Variants in PRKN observed in about 807,000 individuals in gnomAD.
PRKN encodes parkin RBR E3 ubiquitin protein ligase, also known as E3 ubiquitin-protein ligase parkin.
PRKN carries 56 observed loss-of-function variants against 59.5 expected under a neutral mutation model. That is an observed-to-expected ratio of 0.94 (90% CI 0.76 to 1.18). The LOEUF is 1.18. PRKN is among the 50% of genes most tolerant of loss of function. PRKN has a pLI of 0.00. For synonymous variants in PRKN, 250 were observed against 222.1 expected (o/e 1.13, Z -1.12); for missense variants, 657 against 596.4 (o/e 1.10, Z -1.06).
At chr6:161,555,153 TG>T (rs1780187661) in intron 8 of PRKN, among the ~76,000 whole-genome samples, 1 of 152,174 alleles carries the variant, frequency 6.6e-6, no homozygotes, top group African/African-American at 2.4e-5. Context: ...TTTTCTTATT[TG>T]TGTTTTTTAG....
chr6:162,525,142 A>AAC (rs1160583519), intron 1 of PRKN, among the ~76,000 whole-genome samples: 3 of 152,126 alleles, frequency 2.0e-5, no homozygotes, highest in Admixed American at 6.5e-5. Flanking sequence ...AGCGCCAGTT[A>AAC]GTCCTGCTTA....
In PRKN at chr6:162,498,433, CTTTTTCTTTTT is replaced by C. The variant is rs1562332753; in HGVS notation, c.8-54971_8-54961del. ...TTTTTTTTGAGATGGAGTTTCTTTC[CTTTTTCTTTTT>C]TTTTTTTTTTTTTTTTTTGAGATGG... On this transcript the variant is annotated intron_variant, in intron 1 of 11. Transcript: ENST00000366898. 6.1e-3 allele frequency among the ~76,000 whole-genome samples: 100 copies of C among 16,358 alleles called. 12 individuals carry two copies. The highest frequency in any genetic ancestry group is 0.022 in the African/African-American group (99 of 4,578). 10.7% of individuals were successfully genotyped at this position (16,358 alleles called of 152,430 possible). A position where few individuals can be genotyped will look rare whatever the true frequency, so the allele number is the denominator to read the frequency against.
Position 162,727,719 on chromosome 6 carries a change from G to C in PRKN, c.-51C>G. On this transcript the variant is annotated 5_prime_UTR_variant, in exon 1 of 12. Coordinates refer to ENST00000366898, the MANE Select transcript of PRKN (RefSeq NM_004562.3). ...GGCCAGGAACAGGCCCATGCGCGCA[G>C]CGGCGCCAGCCGCGCCTCCCACCAG... is the stretch of plus-strand genomic sequence containing the variant. 1 of 1,547,686 alleles carries C rather than the reference G, an allele frequency of 6.5e-7. No homozygotes were observed. Among genetic ancestry groups the C allele is most frequent in the African/African-American group, 1.4e-5 (1 of 72,976 alleles).
intron 6 of PRKN, among the ~76,000 whole-genome samples, chr6:161,794,718 G>C (rs1259236177): frequency 6.6e-6 from 1 of 151,932 alleles, no homozygotes; most frequent in African/African-American, 2.4e-5. Context: ...ATCCCTACAG[G>C]CAAGACTCCT....
chr6:162,024,972 T>G (rs1783366475), intron 5 of PRKN, among the ~76,000 whole-genome samples: 1 of 151,992 alleles, frequency 6.6e-6, no homozygotes, highest in African/African-American at 2.4e-5. Flanking sequence ...TATATGTATA[T>G]AACTTCTATA....
chr6:162,411,300 T>C (rs1788343746), intron 2 of PRKN, among the ~76,000 whole-genome samples: 1 of 152,172 alleles, frequency 6.6e-6, no homozygotes, highest in Non-Finnish European at 1.5e-5. Flanking sequence ...CTGATAACAG[T>C]AAACCTTGAG....
intron 6 of PRKN, among the ~76,000 whole-genome samples, chr6:161,935,569 A>AAAG (rs1156472729): frequency 7.9e-5 from 12 of 151,384 alleles, no homozygotes; most frequent in Non-Finnish European, 5.9e-5. Flanking sequence ...AAAAAAAAAA[A>AAAG]AAGAAGAAGA....
At chr6:161,770,714 C>T (rs1007525435) in intron 7 of PRKN, among the ~76,000 whole-genome samples, 6 of 152,220 alleles carry the variant, frequency 3.9e-5, no homozygotes, top group Admixed American at 6.5e-5. Context: ...GAGATCCACC[C>T]GCCTCAGCCT....
chr6:162,582,876 A>G (rs1379736497), intron 1 of PRKN, among the ~76,000 whole-genome samples: 1 of 152,206 alleles, frequency 6.6e-6, no homozygotes, highest in African/African-American at 2.4e-5. Flanking sequence ...TGCTATATGG[A>G]AAGACAGTGT....
intron 1 of PRKN, among the ~76,000 whole-genome samples, chr6:162,475,292 T>C (rs1040123047): frequency 6.6e-6 from 1 of 152,180 alleles, no homozygotes; most frequent in Non-Finnish European, 1.5e-5. Context: ...TTATTGGGTA[T>C]AAGGACATCT....
chr6:162,278,857 G>A (rs1780748086), intron 2 of PRKN, among the ~76,000 whole-genome samples: 1 of 151,996 alleles, frequency 6.6e-6, no homozygotes, highest in African/African-American at 2.4e-5. Flanking sequence ...AGGGGAAGGT[G>A]TGAGTGAGGG....
intron 5 of PRKN, among the ~76,000 whole-genome samples, chr6:161,981,011 C>T (rs1271237734): frequency 2.6e-5 from 4 of 152,160 alleles, no homozygotes; most frequent in African/African-American, 9.7e-5. Flanking sequence ...CAACTATACT[C>T]GTCAAAAGAC....
At chr6:162,103,240 A>C (rs973996458) in intron 4 of PRKN, among the ~76,000 whole-genome samples, 1 of 152,112 alleles carries the variant, frequency 6.6e-6, no homozygotes, top group Admixed American at 6.5e-5. Flanking sequence ...GTTTAAATTA[A>C]TTTCTAAATA....
At chr6:162,641,372 C>T (rs951197841) in intron 1 of PRKN, among the ~76,000 whole-genome samples, 2 of 151,588 alleles carry the variant, frequency 1.3e-5, no homozygotes, top group Non-Finnish European at 2.9e-5. Context: ...TCTAAATTTG[C>T]AATCAAATTG....
chr6:162,501,514 A>AT (rs10596593), intron 1 of PRKN, among the ~76,000 whole-genome samples: 2,609 of 141,776 alleles, frequency 0.018, 50 homozygotes, highest in South Asian at 0.051. Flanking sequence ...CGCCTGGTTA[A>AT]TTTTTTTTTT....
At chr6:161,472,792 C>A (rs1205561696) in intron 9 of PRKN, among the ~76,000 whole-genome samples, 2 of 152,114 alleles carry the variant, frequency 1.3e-5, no homozygotes, top group East Asian at 3.9e-4. Context: ...TAAATGCCTA[C>A]AACTCAATAG....
At chr6:162,372,993 G>A (rs1562710326) in intron 2 of PRKN, among the ~76,000 whole-genome samples, 1 of 152,078 alleles carries the variant, frequency 6.6e-6, no homozygotes, top group Non-Finnish European at 1.5e-5. Context: ...TGTAGACCAT[G>A]CACCTTTATC....
intron 2 of PRKN, among the ~76,000 whole-genome samples, chr6:162,442,967 C>A (rs1179215396): frequency 6.6e-6 from 1 of 152,092 alleles, no homozygotes; most frequent in Non-Finnish European, 1.5e-5. Flanking sequence ...AATCCTTCTT[C>A]GTTAAGATTC....
chr6:161,881,567 G>A (rs76001489), intron 6 of PRKN, among the ~76,000 whole-genome samples: 6 of 152,142 alleles, frequency 3.9e-5, no homozygotes, highest in Non-Finnish European at 7.3e-5. Flanking sequence ...TGGGAAGAGC[G>A]TTGCAAATAC....
Sources: allele counts gnomAD v4.1 joint callset (sites outside exome capture counted in the v4.1 genomes callset), GRCh38; gene constraint gnomAD v4.1.1; transcripts MANE v1.5; gene names NCBI Gene and HGNC (gene_info 2026-07-23, HGNC 2026-07-21).